The following KIF17 variants were observed in gnomAD, a reference collection of about 807,000 sequenced individuals.
The protein encoded by KIF17 is kinesin-like protein KIF17.
KIF17 carries 80 observed loss-of-function variants against 96.8 expected under a neutral mutation model. The observed-to-expected ratio is 0.83, with a 90% CI of 0.69 to 1.00. KIF17 has a LOEUF of 1.00. Among genes scored for constraint, KIF17 ranks in the 50% least tolerant of loss-of-function variants. The probability of loss-of-function intolerance (pLI) is 0.00; values close to 1 mark genes in which losing one functional copy is unlikely to be tolerated. For synonymous variants in KIF17, 567 were observed against 587.5 expected (o/e 0.97, Z 0.51); for missense variants, 1,280 against 1,372.9 (o/e 0.93, Z 1.07).
intron 5 of KIF17, among the ~76,000 whole-genome samples, chr1:20,703,489 T>C (rs2054281305): frequency 2.5e-5 from 3 of 119,696 alleles, no homozygotes; most frequent in Admixed American, 2.5e-4. Flanking sequence ...GATGGATAGA[T>C]GGATGGATGC....
intron 6 of KIF17, among the ~76,000 whole-genome samples, chr1:20,691,463 T>TC (rs2054037965): frequency 6.6e-6 from 1 of 151,288 alleles, no homozygotes; most frequent in Non-Finnish European, 1.5e-5. Context: ...TGCTTCTTTT[T>TC]TTTTTTTGAG....
Position 20,672,158 on chromosome 1 carries a change from G to A in KIF17, c.2502C>T (p.Ser834=), listed in dbSNP as rs780128702. ...AAEVEIKDLQ[S]EFQLEKIDYL... ...AATCGATCTTCTCCAGCTGAAACTC[G>A]GACTGCAGATCTTTGATCTCCACCT... Residue 834 remains serine (S), a synonymous_variant, in exon 12 of 15, where the codon TCC becomes TCT. Transcript: ENST00000400463. The surrounding 1 kb of genome is among the most constrained non-coding windows in gnomAD (Gnocchi z 4.3). The A allele has an allele frequency of 1.5e-5, 24 of 1,613,966 alleles. No homozygotes were observed. Among genetic ancestry groups the A allele is most frequent in the East Asian group, 8.9e-5 (4 of 44,886 alleles).
chr1:20,680,783 G>A (rs2053815859), intron 11 of KIF17, among the ~76,000 whole-genome samples: 2 of 151,914 alleles, frequency 1.3e-5, no homozygotes. Context: ...ACGGGAGAAT[G>A]AATTCAACTG....
intron 12 of KIF17, among the ~76,000 whole-genome samples, chr1:20,671,584 C>T (rs2053648386): frequency 6.6e-6 from 1 of 152,194 alleles, no homozygotes; most frequent in Non-Finnish European, 1.5e-5. Flanking sequence ...ATCTGCCAGC[C>T]TTAGCCTCCC....
At chr1:20,661,730 G>C (rs1481664271), downstream of KIF17, among the ~76,000 whole-genome samples, 1 of 152,264 alleles carries the variant, frequency 6.6e-6, no homozygotes, top group Non-Finnish European at 1.5e-5. Flanking sequence ...GGTCCTCCCC[G>C]GGCTTGACCG....
intron 11 of KIF17, among the ~76,000 whole-genome samples, chr1:20,674,790 G>C (rs1251579716): frequency 2.0e-5 from 3 of 151,996 alleles, no homozygotes; most frequent in African/African-American, 4.8e-5. Flanking sequence ...ATATCCAGTT[G>C]TCCCCGCACC....
intron 5 of KIF17, among the ~76,000 whole-genome samples, chr1:20,698,997 C>G (rs530981441): frequency 6.6e-6 from 1 of 152,050 alleles, no homozygotes; most frequent in South Asian, 2.1e-4. Context: ...CCACCCAAGC[C>G]GGAGTGCAGT....
In KIF17 at chr1:20,685,494, T is replaced by C. The variant is rs1449462179; in HGVS notation, c.2020-474A>G. 6.6e-6 allele frequency among the ~76,000 whole-genome samples: 1 copy of C among 151,936 alleles called. No individual in the cohort carries two copies. Among genetic ancestry groups the C allele is most frequent in the South Asian group, 2.1e-4 (1 of 4,824 alleles). On this transcript the variant is annotated intron_variant, in intron 9 of 14. Coordinates refer to ENST00000400463, the MANE Select transcript of KIF17 (RefSeq NM_001122819.3). This position sits in a 1 kb window ranked among gnomAD's most constrained non-coding sequence, Gnocchi z 4.1. ...ACTTGCTATCCCCTCTGCTTGCTGC[T>C]TCCCCCCGTCCCTCCTTCACGCCTG...
intron 11 of KIF17, among the ~76,000 whole-genome samples, chr1:20,676,849 A>C (rs914387282): frequency 1.6e-4 from 24 of 152,030 alleles, no homozygotes; most frequent in Non-Finnish European, 4.4e-5. Flanking sequence ...AAAATAAAAT[A>C]AACAACAACA....
chr1:20,715,479 T>C lies in KIF17; in HGVS notation c.378+14A>G, dbSNP rs754317185. Reference sequence around the variant, plus strand: ...CAGCTCTGGCCCTGCCCCTTCCCTCTGCGAGGCCCGTACCTGGACGCTCTC... The same window carrying C: ...CAGCTCTGGCCCTGCCCCTTCCCTCCGCGAGGCCCGTACCTGGACGCTCTC... On this transcript the variant is annotated intron_variant, in intron 2 of 14. Coordinates refer to ENST00000400463, the MANE Select transcript of KIF17 (RefSeq NM_001122819.3). 2 of 1,610,758 alleles carry C rather than the reference T, an allele frequency of 1.2e-6. No individual in the cohort carries two copies. Among genetic ancestry groups the C allele is most frequent in the South Asian group, 2.2e-5 (2 of 91,068 alleles).
Position 20,704,976 on chromosome 1 carries a change from G to A in KIF17, c.671-77C>T. On this transcript the variant is annotated intron_variant, in intron 4 of 14. Transcript: ENST00000400463. This position sits in a 1 kb window ranked among gnomAD's most constrained non-coding sequence, Gnocchi z 6.8. ...CGAGGGCAATCAGTGCCAGGCACTG[G>A]GTGCTCAATGCCCACCCACCGAGGG... is the stretch of plus-strand genomic sequence containing the variant. 3.8e-6 allele frequency: 5 copies of A among 1,301,554 alleles called. No homozygotes were observed. Among genetic ancestry groups the A allele is most frequent in the Non-Finnish European group, 5.5e-6 (5 of 915,472 alleles). 80.6% of individuals were successfully genotyped at this position (1,301,554 alleles called of 1,614,324 possible).
At chr1:20,679,136 A>C (rs1440321757) in intron 11 of KIF17, among the ~76,000 whole-genome samples, 1 of 151,476 alleles carries the variant, frequency 6.6e-6, no homozygotes, top group Admixed American at 6.6e-5. Flanking sequence ...ACATGGCAAA[A>C]CCCCTTCTCT....
At chr1:20,711,152 T>A (rs2054428681) in intron 3 of KIF17, among the ~76,000 whole-genome samples, 1 of 152,118 alleles carries the variant, frequency 6.6e-6, no homozygotes, top group Non-Finnish European at 1.5e-5. Flanking sequence ...TCTACAAGAT[T>A]ATTATGAGGA....
intron 4 of KIF17, among the ~76,000 whole-genome samples, chr1:20,705,546 C>T (rs1027759947): frequency 2.0e-5 from 3 of 152,200 alleles, no homozygotes; most frequent in African/African-American, 4.8e-5. Context: ...GCCTCTGTGC[C>T]GGCGCGCAGA....
At chr1:20,697,662 C>T (rs12745565) in intron 6 of KIF17, among the ~76,000 whole-genome samples, 11,693 of 152,250 alleles carry the variant, frequency 0.077, 553 homozygotes, top group Non-Finnish European at 0.092. Flanking sequence ...TCAAACTCCA[C>T]GGCATGCTCA....
Position 20,664,591 on chromosome 1 carries a change from G to C in KIF17, c.3080C>G (p.Pro1027Arg), listed in dbSNP as rs199731544. The C allele has an allele frequency of 1.2e-6, 2 of 1,613,994 alleles. No individual in the cohort carries two copies. The highest frequency in any genetic ancestry group is 2.2e-5 in the East Asian group (1 of 44,876). The change falls in exon 15 of 15, where the codon CCT becomes CGT. Residue 1027 changes from proline (P) to arginine (R), a missense_variant. Transcript: ENST00000400463. ...AATGGCAAGCAGCTGTGCTCACAGA[G>C]GCTCACTGCCAAAGTTGCTTTTGCT... ...KKSKSNFGSE[P>R]L
chr1:20,676,884 A>G (rs1267755618), intron 11 of KIF17, among the ~76,000 whole-genome samples: 4 of 151,790 alleles, frequency 2.6e-5, no homozygotes, highest in Non-Finnish European at 4.4e-5. Flanking sequence ...CTACACTGAG[A>G]TATTATTTCT....
intron 11 of KIF17, among the ~76,000 whole-genome samples, chr1:20,674,278 T>C (rs1308970807): frequency 2.0e-5 from 3 of 152,046 alleles, no homozygotes; most frequent in Non-Finnish European, 4.4e-5. Context: ...ATAATTCATA[T>C]GCCATAAAAT....
chr1:20,686,285 A>T, intron 8 of KIF17, 159 bp from the exon 9 acceptor site: 1 of 697,450 alleles, frequency 1.4e-6, no homozygotes, highest in South Asian at 1.6e-5. Flanking sequence ...CAAAGGAGGG[A>T]AGAGATGAGG....
Sources: gnomAD v4.1 joint callset for allele counts (sites outside exome capture counted in the v4.1 genomes callset) on GRCh38, gnomAD v4.1.1 for gene constraint, Gnocchi (gnomAD v3.1) non-coding constraint, MANE v1.5 for transcripts, NCBI Gene and HGNC (gene_info 2026-07-23, HGNC 2026-07-21) for gene names.